STX8: variants seen among roughly 807,000 people sequenced by gnomAD.
STX8 encodes the protein syntaxin-8.
A neutral mutation model predicts 37.5 loss-of-function variants in STX8; 23 were observed. That is an observed-to-expected ratio of 0.61 (90% CI 0.44 to 0.87). The LOEUF is 0.87. STX8 is among the 40% of genes least tolerant of loss of function. The probability of loss-of-function intolerance (pLI) is 0.00; values close to 1 mark genes in which losing one functional copy is unlikely to be tolerated. For synonymous variants in STX8, 115 were observed against 99.1 expected (o/e 1.16, Z -0.95); for missense variants, 313 against 284.7 (o/e 1.10, Z -0.71).
intron 6 of STX8, among the ~76,000 whole-genome samples, chr17:9,456,705 T>C (rs1284701390): frequency 6.6e-6 from 1 of 152,180 alleles, no homozygotes; most frequent in Non-Finnish European, 1.5e-5. Context: ...CTATAGGAAA[T>C]GAATCTGGCA....
At chr17:9,348,126 T>C (rs111600680) in intron 7 of STX8, among the ~76,000 whole-genome samples, 329 of 152,204 alleles carry the variant, frequency 2.2e-3, no homozygotes, top group Non-Finnish European at 3.6e-3. Context: ...CATATGAACA[T>C]TGTAGAATAT....
chr17:9,325,633 A>T lies in STX8; in HGVS notation c.643+52919T>A, dbSNP rs572028312. ...GCGAATTACATAGTTGGTCCTGGGT[A>T]AAGTCACTTGGTTCAGTGGGAAGAG... On this transcript the variant is annotated intron_variant, in intron 7 of 7. Coordinates refer to ENST00000306357, the MANE Select transcript of STX8 (RefSeq NM_004853.3). Among the ~76,000 whole-genome samples the T allele has an allele frequency of 2.2e-4, 33 of 152,362 alleles. 2 individuals carry two copies. The South Asian group carries it at 6.4e-3, about 30-fold the overall frequency.
At chr17:9,282,964 G>A (rs1254784108) in intron 7 of STX8, among the ~76,000 whole-genome samples, 1 of 150,538 alleles carries the variant, frequency 6.6e-6, no homozygotes, top group Non-Finnish European at 1.5e-5. Flanking sequence ...CCTCTAACAA[G>A]TAGACATCTA....
At position 9,430,238 on chromosome 17, in the gene STX8, A is replaced by G. The variant is rs901455582; in HGVS notation, c.542-51585T>C. ...ATAAATAAAATATATATTATATATA[A>G]AACAATTTGCCATTTTAAAGTATAT... On this transcript the variant is annotated intron_variant, in intron 6 of 7. Transcript: ENST00000306357. Among the ~76,000 whole-genome samples the G allele has an allele frequency of 1.2e-4, 17 of 136,814 alleles. No homozygotes were observed. The East Asian group carries it at 3.4e-3, about 27-fold the overall frequency. The allele number at this position is 136,814 out of a possible 152,430, so 89.8% of individuals were successfully genotyped here.
At chr17:9,349,489 T>C (rs1336778474) in intron 7 of STX8, among the ~76,000 whole-genome samples, 1 of 151,728 alleles carries the variant, frequency 6.6e-6, no homozygotes, top group Non-Finnish European at 1.5e-5. Flanking sequence ...CCTGGCTAAT[T>C]TTTTGTATTT....
chr17:9,485,126 G>GA (rs576356012), intron 6 of STX8, among the ~76,000 whole-genome samples: 951 of 18,976 alleles, frequency 0.05, 16 homozygotes, highest in East Asian at 0.071. Flanking sequence ...TTGTCGCTTA[G>GA]AAAAAAAATT....
intron 3 of STX8, chr17:9,555,302 T>G (rs1456492742): frequency 6.6e-6 from 1 of 152,214 alleles, no homozygotes; most frequent in African/African-American, 2.4e-5. Context: ...CAATTATAAC[T>G]GTGGTATTCT....
chr17:9,544,339 C>A (rs573743406), intron 4 of STX8, among the ~76,000 whole-genome samples: 17 of 152,130 alleles, frequency 1.1e-4, no homozygotes, highest in African/African-American at 4.1e-4. Flanking sequence ...TTGGAAAGCC[C>A]GACCCGTCCT....
chr17:9,373,318 C>T (rs1911473615), intron 7 of STX8, among the ~76,000 whole-genome samples: 1 of 152,064 alleles, frequency 6.6e-6, no homozygotes, highest in South Asian at 2.1e-4. Flanking sequence ...TGTACAGCAA[C>T]ATTTATGGTG....
chr17:9,457,580 T>A (rs1905217769), intron 6 of STX8, among the ~76,000 whole-genome samples: 1 of 152,274 alleles, frequency 6.6e-6, no homozygotes, highest in South Asian at 2.1e-4. Context: ...CATCTTCAGA[T>A]TACAGAGCCT....
At chr17:9,308,185 CTGAG>C (rs1391598853) in intron 7 of STX8, among the ~76,000 whole-genome samples, 2 of 152,160 alleles carry the variant, frequency 1.3e-5, no homozygotes, top group Non-Finnish European at 2.9e-5. Context: ...TAGTAATAGA[CTGAG>C]TGGGGAAACC....
chr17:9,471,030 G>GTTTTTTTTTTTTTTTTTTTTTTTTTTT (rs1567574843), intron 6 of STX8, among the ~76,000 whole-genome samples: 1 of 35,534 alleles, frequency 2.8e-5, no homozygotes, highest in Non-Finnish European at 5.8e-5. Flanking sequence ...ACTGCATCCT[G>GTTTTTTTTTTTTTTTTTTTTTTTTTTT]CTTTTTTTTT....
intron 7 of STX8, among the ~76,000 whole-genome samples, chr17:9,337,909 T>A (rs1041740701): frequency 2.0e-5 from 3 of 151,728 alleles, no homozygotes; most frequent in Admixed American, 1.3e-4. Flanking sequence ...AGAAAGTGTG[T>A]ATTGAGAAAG....
At chr17:9,496,234 T>C (rs12051566) in intron 5 of STX8, among the ~76,000 whole-genome samples, 26,655 of 152,040 alleles carry the variant, frequency 0.18, 2,524 homozygotes, top group South Asian at 0.24. Flanking sequence ...CACCACAATG[T>C]CCAGCTAATT....
At chr17:9,435,313 T>TA (rs927651884) in intron 6 of STX8, among the ~76,000 whole-genome samples, 3 of 151,990 alleles carry the variant, frequency 2.0e-5, no homozygotes, top group African/African-American at 4.8e-5. Context: ...CGTTAACATC[T>TA]AAAAAAGGCT....
intron 7 of STX8, among the ~76,000 whole-genome samples, chr17:9,290,511 C>T (rs1037787904): frequency 2.0e-5 from 3 of 152,190 alleles, no homozygotes; most frequent in African/African-American, 7.2e-5. Flanking sequence ...CAATTTCAAG[C>T]AAATTTGATA....
chr17:9,403,998 C>G (rs561443034), intron 6 of STX8, among the ~76,000 whole-genome samples: 97 of 151,804 alleles, frequency 6.4e-4, no homozygotes, highest in African/African-American at 2.2e-3. Flanking sequence ...CTACTGTTAA[C>G]TGAAAGCCTT....
chr17:9,362,670 AAGTT>A (rs1911096709), intron 7 of STX8, among the ~76,000 whole-genome samples: 2 of 151,664 alleles, frequency 1.3e-5, no homozygotes, highest in Admixed American at 6.6e-5. Context: ...AAACACAAAA[AAGTT>A]AGCCAGGCGT....
chr17:9,455,034 A>G (rs1157445076), intron 6 of STX8, among the ~76,000 whole-genome samples: 5 of 152,078 alleles, frequency 3.3e-5, no homozygotes, highest in Non-Finnish European at 1.5e-5. Flanking sequence ...TGGGCAAGAC[A>G]GCAAAACCCC....
Sources: allele counts gnomAD v4.1 joint callset (sites outside exome capture counted in the v4.1 genomes callset), GRCh38; gene constraint gnomAD v4.1.1; transcripts MANE v1.5; gene names NCBI Gene and HGNC (gene_info 2026-07-23, HGNC 2026-07-21).